The following MAGI1 variants were observed in gnomAD, a reference collection of about 807,000 sequenced individuals.
MAGI1 encodes membrane associated guanylate kinase, WW and PDZ domain containing 1.
Under a neutral mutation model 139.9 loss-of-function variants are expected in MAGI1, and 58 were observed. The observed-to-expected ratio is 0.41, with a 90% CI of 0.34 to 0.52. The LOEUF (loss-of-function observed/expected upper bound fraction) is 0.52, where lower values mean the gene tolerates loss of function less well. Among genes scored for constraint, MAGI1 ranks in the 20% least tolerant of loss-of-function variants. The pLI, the probability that MAGI1 is intolerant of heterozygous loss-of-function variation, is 0.12. For synonymous variants in MAGI1, 812 were observed against 737.9 expected (o/e 1.10, Z -1.63); for missense variants, 1,874 against 1,901.6 (o/e 0.99, Z 0.27).
At chr3:65,807,258 A>G (rs2040916838) in intron 1 of MAGI1, among the ~76,000 whole-genome samples, 1 of 152,222 alleles carries the variant, frequency 6.6e-6, no homozygotes, top group African/African-American at 2.4e-5. Context: ...GAAGATCAAG[A>G]TCAACATTCC....
At chr3:65,392,123 A>G (rs1199340914) in intron 13 of MAGI1, among the ~76,000 whole-genome samples, 2 of 152,208 alleles carry the variant, frequency 1.3e-5, no homozygotes, top group Non-Finnish European at 2.9e-5. Context: ...AAGTATTATA[A>G]TATTCAAAGG....
At chr3:65,749,258 CT>C (rs1488931668) in intron 1 of MAGI1, among the ~76,000 whole-genome samples, 1 of 152,250 alleles carries the variant, frequency 6.6e-6, no homozygotes, top group East Asian at 1.9e-4. Flanking sequence ...TTCATAAGAG[CT>C]GTTGTTACTG....
chr3:65,638,036 T>C (rs2084747123), intron 1 of MAGI1, among the ~76,000 whole-genome samples: 1 of 152,080 alleles, frequency 6.6e-6, no homozygotes, highest in Admixed American at 6.6e-5. Flanking sequence ...ATACTGCTAA[T>C]TAAAATGACA....
chr3:65,454,526 TATA>T lies in MAGI1; in HGVS notation c.960-1189_960-1187del, dbSNP rs35819390. ...TGCACATGTACCCTAAAACTGAAAGTATAATAATAATAATAATAATAATAATAA... is the reference window on the plus strand; with the variant it reads ...TGCACATGTACCCTAAAACTGAAAGTATAATAATAATAATAATAATAATAA... On this transcript the variant is annotated intron_variant, in intron 5 of 22. Coordinates refer to ENST00000402939, the MANE Select transcript of MAGI1 (RefSeq NM_001033057.2). Among the ~76,000 whole-genome samples, 224 of 83,102 alleles carry T rather than the reference TATA, an allele frequency of 2.7e-3. 1 individual carries two copies. Among genetic ancestry groups the T allele is most frequent in the East Asian group, 0.016 (73 of 4,564 alleles). The allele number at this position is 83,102 out of a possible 152,430, so 54.5% of individuals were successfully genotyped here.
chr3:66,002,957 T>C (rs558007624), intron 1 of MAGI1, among the ~76,000 whole-genome samples: 3 of 152,286 alleles, frequency 2.0e-5, no homozygotes, highest in South Asian at 2.1e-4. Context: ...GGAGAATTAT[T>C]AATAGTACAG....
chr3:65,429,443 G>T, intron 12 of MAGI1, 77 bp downstream of exon 12: 1 of 1,372,554 alleles, frequency 7.3e-7, no homozygotes, highest in Non-Finnish European at 9.9e-7. Context: ...GCCCCCAGTG[G>T]TCATCTGAAG....
intron 2 of MAGI1, among the ~76,000 whole-genome samples, chr3:65,505,852 C>A (rs894695082): frequency 2.6e-5 from 4 of 152,064 alleles, no homozygotes; most frequent in African/African-American, 9.6e-5. Context: ...AAAACTCTTA[C>A]ACTGCAGAGA....
chr3:65,965,073 A>G (rs1187429553), intron 1 of MAGI1, among the ~76,000 whole-genome samples: 1 of 152,248 alleles, frequency 6.6e-6, no homozygotes, highest in African/African-American at 2.4e-5. Context: ...AATCTACTGC[A>G]TATATTTTTC....
chr3:65,586,631 A>C (rs1459823907), intron 2 of MAGI1, among the ~76,000 whole-genome samples: 1 of 152,180 alleles, frequency 6.6e-6, no homozygotes, highest in Non-Finnish European at 1.5e-5. Context: ...TACTAAATAC[A>C]CAAAATACTA....
intron 1 of MAGI1, among the ~76,000 whole-genome samples, chr3:65,961,571 C>T (rs908585648): frequency 3.9e-5 from 6 of 152,166 alleles, no homozygotes; most frequent in Non-Finnish European, 1.5e-5. Context: ...ATATGCTATG[C>T]AGGGTATCTT....
intron 1 of MAGI1, among the ~76,000 whole-genome samples, chr3:65,885,564 C>G (rs2060496640): frequency 6.6e-6 from 1 of 151,936 alleles, no homozygotes; most frequent in South Asian, 2.1e-4. Flanking sequence ...ATGGAGGGAC[C>G]CAGTGGGAGG....
chr3:65,488,621 A>C (rs1454863789), intron 3 of MAGI1, among the ~76,000 whole-genome samples: 2 of 152,068 alleles, frequency 1.3e-5, no homozygotes, highest in African/African-American at 2.4e-5. Context: ...GATTATAGGC[A>C]TGAGCCACTA....
intron 5 of MAGI1, among the ~76,000 whole-genome samples, chr3:65,460,403 T>C (rs191362527): frequency 6.6e-6 from 1 of 152,344 alleles, no homozygotes; most frequent in East Asian, 1.9e-4. Flanking sequence ...CTGGAAGACA[T>C]TATGTAGAAA....
chr3:66,024,343 AG>A (rs1184469423), intron 1 of MAGI1, among the ~76,000 whole-genome samples: 6 of 145,210 alleles, frequency 4.1e-5, no homozygotes, highest in African/African-American at 1.5e-4. Flanking sequence ...AAAAAAGAAC[AG>A]GCTTCTGGTT....
At chr3:65,458,481 G>A (rs1177360671) in intron 5 of MAGI1, among the ~76,000 whole-genome samples, 3 of 150,746 alleles carry the variant, frequency 2.0e-5, no homozygotes, top group Non-Finnish European at 3.0e-5. Flanking sequence ...ATTTGTTATT[G>A]CCTGTCTTTT....
chr3:65,471,899 A>T (rs1273692876), intron 4 of MAGI1, among the ~76,000 whole-genome samples: 1 of 152,142 alleles, frequency 6.6e-6, no homozygotes, highest in African/African-American at 2.4e-5. Flanking sequence ...CCATCTTGAC[A>T]AAGCTTGACA....
At chr3:65,798,504 G>A (rs1317000282) in intron 1 of MAGI1, among the ~76,000 whole-genome samples, 1 of 152,214 alleles carries the variant, frequency 6.6e-6, no homozygotes, top group Non-Finnish European at 1.5e-5. Flanking sequence ...CTCGGGCCAA[G>A]ATAGGTGTAG....
intron 1 of MAGI1, among the ~76,000 whole-genome samples, chr3:65,999,485 GA>G (rs1000098028): frequency 4.0e-5 from 6 of 151,848 alleles, no homozygotes; most frequent in African/African-American, 1.2e-4. Flanking sequence ...AGTGTGAGGG[GA>G]AAAAAATGGG....
intron 2 of MAGI1, among the ~76,000 whole-genome samples, chr3:65,620,513 TTCC>T (rs895081666): frequency 9.8e-5 from 15 of 152,342 alleles, no homozygotes; most frequent in Admixed American, 2.6e-4. Context: ...TTTTATTGGC[TTCC>T]TCATTGCCTC....
Sources: allele counts gnomAD v4.1 joint callset (sites outside exome capture counted in the v4.1 genomes callset), GRCh38; gene constraint gnomAD v4.1.1; transcripts MANE v1.5; gene names NCBI Gene and HGNC (gene_info 2026-07-23, HGNC 2026-07-21).